The following WDR64 variants were observed in gnomAD, a reference collection of about 807,000 sequenced individuals.
The protein encoded by WDR64 is WD repeat domain 64.
WDR64 carries 112 observed loss-of-function variants against 139.3 expected under a neutral mutation model. That is an observed-to-expected ratio of 0.80 (90% CI 0.69 to 0.94). The LOEUF is 0.94. Ranked by LOEUF, WDR64 falls within the 40% of genes least tolerant of loss-of-function variation. WDR64 has a pLI of 0.00. For missense variants in WDR64, 1,206 were observed against 1,293.1 expected (o/e 0.93, Z 1.03); for synonymous variants, 444 against 437.7 (o/e 1.01, Z -0.18).
At position 241,708,692 on chromosome 1, in the gene WDR64, G is replaced by GTTTTTTTTT. The variant is rs766069628; in HGVS notation, c.975-3107_975-3099dup. On this transcript the variant is annotated intron_variant, in intron 8 of 27. Transcript: ENST00000437684. ...TATCAAGTTAGGGCTGAGGTCCATG[G>GTTTTTTTTT]TTTTTTTTTTTGTTTTTTTGTTTTT... Among the ~76,000 whole-genome samples the GTTTTTTTTT allele has an allele frequency of 1.2e-3, 71 of 59,884 alleles. 11 individuals carry two copies. Among genetic ancestry groups the GTTTTTTTTT allele is most frequent in the African/African-American group, 3.4e-3 (42 of 12,344 alleles). The allele number at this position is 59,884 out of a possible 152,430, so 39.3% of individuals were successfully genotyped here.
rs4046210 is a variant in WDR64, at chr1:241,799,202, CA to C, written c.3193-1909del. 1.3e-3 allele frequency among the ~76,000 whole-genome samples: 42 copies of C among 33,326 alleles called. 1 individual carries two copies. Among genetic ancestry groups the C allele is most frequent in the South Asian group, 6.6e-3 (4 of 604 alleles). 21.9% of individuals were successfully genotyped at this position (33,326 alleles called of 152,430 possible). A position where few individuals can be genotyped will look rare whatever the true frequency, so the allele number is the denominator to read the frequency against. ...GAAACACAGTGAGACTTTGTCTCTC[CA>C]AAAAAAAAAAAAAAAAAAAATACAA... On this transcript the variant is annotated intron_variant, in intron 27 of 27. Coordinates refer to ENST00000437684, the MANE Select transcript of WDR64 (RefSeq NM_001367482.1).
chr1:241,660,222 T>C (rs1036304279), intron 1 of WDR64, among the ~76,000 whole-genome samples: 7 of 152,186 alleles, frequency 4.6e-5, no homozygotes, highest in African/African-American at 9.7e-5. Context: ...CAGATCGTTG[T>C]AGGTGTGCAG....
intron 14 of WDR64, among the ~76,000 whole-genome samples, chr1:241,750,184 C>A (rs573990701): frequency 6.6e-6 from 1 of 152,168 alleles, no homozygotes; most frequent in Non-Finnish European, 1.5e-5. Context: ...CTGCTCAGGG[C>A]TGTTTGGGGA....
chr1:241,757,291 A>G lies in WDR64; in HGVS notation c.1779A>G (p.Glu593=). The G allele has an allele frequency of 1.2e-6, 2 of 1,613,136 alleles. No individual in the cohort carries two copies. The highest frequency in any genetic ancestry group is 1.7e-6 in the Non-Finnish European group (2 of 1,179,728). ...NGTIKMIQGK[E]DDIYLMVIWE... ...CTGGATTTCTGTTAAAGGGTAAGGA[A>G]GATGATATCTACCTCATGGTGATCT... The change falls in exon 15 of 28, where the codon GAA becomes GAG. Residue 593 remains glutamate, a synonymous_variant. Transcript: ENST00000437684.
At chr1:241,735,533 C>CTCCCTTTTTTTTTTTTTTTT (rs1553373537) in intron 10 of WDR64, among the ~76,000 whole-genome samples, 18 of 103,494 alleles carry the variant, frequency 1.7e-4, no homozygotes, top group African/African-American at 6.1e-4. Context: ...CTCTCTCTCT[C>CTCCCTTTTTTTTTTTTTTTT]TTTTTTTTTT....
Position 241,683,502 on chromosome 1 carries a change from A to G in WDR64, c.640A>G (p.Ile214Val). 1 of 1,551,706 alleles carries G rather than the reference A, an allele frequency of 6.4e-7. No individual in the cohort carries two copies. Among genetic ancestry groups the G allele is most frequent in the Non-Finnish European group, 8.7e-7 (1 of 1,146,968 alleles). ...QGSSQENYFV[I>V]KPMDHCLLCV... ...CTGTTTCTAGGAAAATTATTTTGTCATAAAACCAATGGATCACTGCCTCCT... is the reference window on the plus strand; with the variant it reads ...CTGTTTCTAGGAAAATTATTTTGTCGTAAAACCAATGGATCACTGCCTCCT... The change falls in exon 7 of 28, where the codon ATA becomes GTA. Residue 214 changes from isoleucine (I) to valine (V), a missense_variant. Transcript: ENST00000437684.
At chr1:241,740,706 C>T (rs1669505343) in intron 11 of WDR64, among the ~76,000 whole-genome samples, 1 of 150,824 alleles carries the variant, frequency 6.6e-6, no homozygotes, top group South Asian at 2.1e-4. Context: ...CTCGCTCTGT[C>T]GCCCAGGCTA....
rs772615279 is a variant in WDR64, at chr1:241,723,356, C to T, written c.1114C>T (p.Leu372Phe). ...PNISTKPVGK[L>F]VGHMFSIAEI... ...TATCAGCACCAAGCCAGTAGGGAAA[C>T]TTGTAGGACACATGTTCAGTATCGC... The change falls in exon 10 of 28, where the codon CTT (leucine) becomes TTT (phenylalanine). Residue 372 changes from leucine to phenylalanine, a missense_variant. Leu to Phe is a conservative substitution (Grantham distance 22, BLOSUM62 0). Coordinates refer to ENST00000437684, the MANE Select transcript of WDR64 (RefSeq NM_001367482.1). The T allele has an allele frequency of 3.1e-6, 5 of 1,614,044 alleles. No individual in the cohort carries two copies. Among genetic ancestry groups the T allele is most frequent in the Non-Finnish European group, 3.4e-6 (4 of 1,179,956 alleles).
In WDR64 at chr1:241,772,270, T is replaced by C. The variant is rs1386963733; in HGVS notation, c.2291-522T>C. 1.4e-5 allele frequency among the ~76,000 whole-genome samples: 2 copies of C among 147,052 alleles called. 1 individual carries two copies. The highest frequency in any genetic ancestry group is 4.2e-4 in the South Asian group (2 of 4,726). ...TAAACGTTTTATATTTTTTCAGTGA[T>C]CCAGGATTCAATTTTTTAATGTTTT... On this transcript the variant is annotated intron_variant, in intron 19 of 27. Transcript: ENST00000437684.
At chr1:241,663,371 A>G (rs1001272936) in intron 2 of WDR64, among the ~76,000 whole-genome samples, 1 of 152,182 alleles carries the variant, frequency 6.6e-6, no homozygotes, top group East Asian at 1.9e-4. Context: ...GTGCTCACAT[A>G]TGGGCACCCC....
intron 4 of WDR64, among the ~76,000 whole-genome samples, chr1:241,675,044 T>TCCTTCTCCCCCTCCC (rs1427888218): frequency 2.5e-5 from 1 of 39,628 alleles, no homozygotes; most frequent in Non-Finnish European, 5.2e-5. Flanking sequence ...TCCTTCTTCT[T>TCCTTCTCCCCCTCCC]TCCTTCCTTT....
chr1:241,782,039 C>CT (rs1658863655), intron 22 of WDR64, among the ~76,000 whole-genome samples: 2 of 152,196 alleles, frequency 1.3e-5, no homozygotes, highest in Non-Finnish European at 2.9e-5. Flanking sequence ...GTAATCCCAG[C>CT]ACTTTGGGAG....
At chr1:241,675,407 A>C (rs925023639) in intron 4 of WDR64, among the ~76,000 whole-genome samples, 2 of 152,102 alleles carry the variant, frequency 1.3e-5, no homozygotes, top group South Asian at 4.1e-4. Context: ...TATTCCAAAA[A>C]ATAAATCCAA....
At chr1:241,742,749 C>T (rs1174873135) in intron 12 of WDR64, among the ~76,000 whole-genome samples, 1 of 152,184 alleles carries the variant, frequency 6.6e-6, no homozygotes, top group Non-Finnish European at 1.5e-5. Flanking sequence ...GCCTTGAATT[C>T]TTTCTTGTGT....
intron 5 of WDR64, among the ~76,000 whole-genome samples, chr1:241,678,982 C>T (rs1350786282): frequency 1.3e-5 from 2 of 150,402 alleles, no homozygotes; most frequent in Admixed American, 1.3e-4. Flanking sequence ...TGTTTCTGTT[C>T]AGGAGTGTGT....
In WDR64 at chr1:241,711,652, C is replaced by T. The variant is rs548632838; in HGVS notation, c.975-150C>T. The T allele has an allele frequency of 7.4e-5, 51 of 690,932 alleles. No homozygotes were observed. In the Middle Eastern group the frequency reaches 1.1e-3, roughly 15 times the overall value. The allele number at this position is 690,932 out of a possible 1,614,324, so 42.8% of individuals were successfully genotyped here. On this transcript the variant is annotated intron_variant, in intron 8 of 27. Transcript: ENST00000437684. ...GTAAGTAGATTCTTACTGTTAATTACGACTTAATCATTACTTGTAATACGG... is the reference window on the plus strand; with the variant it reads ...GTAAGTAGATTCTTACTGTTAATTATGACTTAATCATTACTTGTAATACGG...
Position 241,775,179 on chromosome 1 carries a change from A to G in WDR64, c.2505A>G (p.Ser835=). The change falls in exon 21 of 28, where the codon TCA becomes TCG. Residue 835 remains serine, a synonymous_variant. Transcript: ENST00000437684. ...CTCTGACATCGCTGTATACTGATTC[A>G]TGTACGAGGATACTACTGGCTGGAA... ...AISLTSLYTD[S]CTRILLAGNV... is the part of the protein sequence containing the mutation. 1 of 1,550,798 alleles carries G rather than the reference A, an allele frequency of 6.4e-7. No homozygotes were observed. The highest frequency in any genetic ancestry group is 8.7e-7 in the Non-Finnish European group (1 of 1,146,786).
intron 10 of WDR64, among the ~76,000 whole-genome samples, chr1:241,728,447 CT>C (rs771678356): frequency 2.6e-5 from 4 of 152,066 alleles, no homozygotes; most frequent in Non-Finnish European, 4.4e-5. Context: ...CCTTCAAACT[CT>C]TTCATATAAA....
rs1242604862 is a variant in WDR64 at position 241,769,332 on chromosome 1, A to T, written c.2082-72A>T. ...GAGGAATTGCCTAGCTCTGCAGAGG[A>T]TATACAATCTTAGTACTGTAAGCTC... On this transcript the variant is annotated intron_variant, in intron 16 of 27. Transcript: ENST00000437684. 5 of 1,174,260 alleles carry T rather than the reference A, an allele frequency of 4.3e-6. No individual in the cohort carries two copies. In the African/African-American group the frequency reaches 6.1e-5, roughly 14 times the overall value. The allele number at this position is 1,174,260 out of a possible 1,614,324, so 72.7% of individuals were successfully genotyped here. A position where few individuals can be genotyped will look rare whatever the true frequency, so the allele number is the denominator to read the frequency against.
Sources: gnomAD v4.1 joint callset for allele counts (sites outside exome capture counted in the v4.1 genomes callset) on GRCh38, gnomAD v4.1.1 for gene constraint, MANE v1.5 for transcripts, NCBI Gene and HGNC (gene_info 2026-07-23, HGNC 2026-07-21) for gene names.